PRELID2: variants seen among roughly 807,000 people sequenced by gnomAD.
PRELID2 encodes PRELI domain containing 2, also known as PRELI domain-containing protein 2.
A neutral mutation model predicts 28.4 loss-of-function variants in PRELID2; 25 were observed. The ratio of observed to expected loss-of-function variants is 0.88; its 90% CI spans 0.64 to 1.23. The LOEUF is 1.23. Among genes scored for constraint, PRELID2 ranks in the 50% most tolerant of loss-of-function variants. The pLI, the probability that PRELID2 is intolerant of heterozygous loss-of-function variation, is 0.00. For missense variants in PRELID2, 201 were observed against 214.4 expected (o/e 0.94, Z 0.39); for synonymous variants, 76 against 71.6 (o/e 1.06, Z -0.31).
chr5:145,787,923 G>A (rs571941581), intron 5 of PRELID2, among the ~76,000 whole-genome samples: 2 of 152,254 alleles, frequency 1.3e-5, no homozygotes, highest in South Asian at 2.1e-4. Flanking sequence ...AAATTTCATG[G>A]TGAAAAGAGC....
chr5:145,487,729 T>C (rs1363999922), intron 1 of PRELID2, among the ~76,000 whole-genome samples: 1 of 152,058 alleles, frequency 6.6e-6, no homozygotes, highest in Non-Finnish European at 1.5e-5. Context: ...TTTTTAGAGA[T>C]GGAGGAAGGA....
At chr5:145,729,943 T>C (rs1414217573) in intron 1 of PRELID2, among the ~76,000 whole-genome samples, 1 of 152,154 alleles carries the variant, frequency 6.6e-6, no homozygotes, top group African/African-American at 2.4e-5. Context: ...AATGTGGGGT[T>C]GAAAGGGAGC....
intron 1 of PRELID2, among the ~76,000 whole-genome samples, chr5:145,670,317 A>T (rs1314100542): frequency 6.6e-6 from 1 of 152,102 alleles, no homozygotes; most frequent in Non-Finnish European, 1.5e-5. Flanking sequence ...ACAGAGACAA[A>T]GAGTGAGAAC....
At position 145,575,216 on chromosome 5, in the gene PRELID2, C is replaced by T. The variant is rs575801696; in HGVS notation, n.71-101901G>A. ...GCCTCAAAAACCCATGTCTTGAACCCCTACACTTTATTTACTACCTGCTGA... is the reference window on the plus strand; with the variant it reads ...GCCTCAAAAACCCATGTCTTGAACCTCTACACTTTATTTACTACCTGCTGA... On this transcript the variant is annotated intron_variant and non_coding_transcript_variant, in intron 1 of 2. Coordinates refer to the PRELID2 transcript ENST00000510259. Among the ~76,000 whole-genome samples the T allele has an allele frequency of 5.3e-5, 8 of 152,204 alleles. No homozygotes were observed. In the South Asian group the frequency reaches 1.5e-3, roughly 28 times the overall value.
chr5:145,396,755 A>G, the PRELID2 span, among the ~76,000 whole-genome samples: 1 of 152,104 alleles, frequency 6.6e-6, no homozygotes, highest in Admixed American at 6.6e-5. Context: ...GAAAGAATAA[A>G]TGCTATGGAA....
chr5:145,428,494 C>T, the PRELID2 span, among the ~76,000 whole-genome samples: 2 of 151,948 alleles, frequency 1.3e-5, no homozygotes. Flanking sequence ...AACAAACAAA[C>T]AACAGGTAAA....
At chr5:145,756,031 A>G (rs1003450523), downstream of PRELID2, among the ~76,000 whole-genome samples, 7 of 152,008 alleles carry the variant, frequency 4.6e-5, no homozygotes, top group African/African-American at 1.7e-4. Flanking sequence ...TCTCTCCTTC[A>G]CCCTTTGGAA....
chr5:145,297,167 G>C, the PRELID2 span, among the ~76,000 whole-genome samples: 4 of 151,762 alleles, frequency 2.6e-5, no homozygotes, highest in Admixed American at 6.6e-5. Context: ...ATGGTAGTTT[G>C]TTTTGCTGTG....
At chr5:145,455,427 G>T in the PRELID2 span, among the ~76,000 whole-genome samples, 4 of 152,104 alleles carry the variant, frequency 2.6e-5, no homozygotes, top group Non-Finnish European at 4.4e-5. Flanking sequence ...GGCTATATGG[G>T]CTCTTTTTTG....
chr5:145,613,185 G>T (rs1753643604), intron 1 of PRELID2, among the ~76,000 whole-genome samples: 1 of 151,998 alleles, frequency 6.6e-6, no homozygotes, highest in African/African-American at 2.4e-5. Flanking sequence ...GCAGGAGTGA[G>T]GTAGTATCGC....
intron 1 of PRELID2, among the ~76,000 whole-genome samples, chr5:145,633,348 A>G (rs2149659707): frequency 6.6e-6 from 1 of 152,338 alleles, no homozygotes; most frequent in South Asian, 2.1e-4. Context: ...CTCACCAGCT[A>G]GAGACTGATT....
intron 1 of PRELID2, among the ~76,000 whole-genome samples, chr5:145,581,572 A>C (rs1393988687): frequency 6.6e-6 from 1 of 151,938 alleles, no homozygotes; most frequent in African/African-American, 2.4e-5. Flanking sequence ...CCTATTTCTG[A>C]GTTGATGCAT....
intron 1 of PRELID2, among the ~76,000 whole-genome samples, chr5:145,690,194 G>A (rs1264166060): frequency 6.6e-6 from 1 of 151,884 alleles, no homozygotes; most frequent in Admixed American, 6.6e-5. Context: ...ATTTCACCAT[G>A]GTGCCCCCGG....
At chr5:145,558,860 G>GA (rs1333483851) in intron 1 of PRELID2, among the ~76,000 whole-genome samples, 2 of 151,996 alleles carry the variant, frequency 1.3e-5, no homozygotes, top group South Asian at 2.1e-4. Context: ...CAAAATCTAT[G>GA]AAAAAAATGT....
At chr5:145,665,716 T>A (rs1431592454) in intron 1 of PRELID2, among the ~76,000 whole-genome samples, 1 of 152,102 alleles carries the variant, frequency 6.6e-6, no homozygotes, top group Non-Finnish European at 1.5e-5. Context: ...ATTTCTCATA[T>A]TCCCTGAAAT....
chr5:145,621,436 C>T (rs1205778348), intron 1 of PRELID2, among the ~76,000 whole-genome samples: 1 of 152,164 alleles, frequency 6.6e-6, no homozygotes, highest in African/African-American at 2.4e-5. Context: ...TACACAAAAA[C>T]TTGTACACAC....
chr5:145,381,459 C>G, the PRELID2 span: 1 of 152,042 alleles, frequency 6.6e-6, no homozygotes, highest in African/African-American at 2.4e-5. Context: ...TTTCACCAAC[C>G]TAAAACAAAC....
At chr5:145,377,686 C>A in the PRELID2 span, among the ~76,000 whole-genome samples, 4 of 151,798 alleles carry the variant, frequency 2.6e-5, no homozygotes, top group Non-Finnish European at 5.9e-5. Context: ...AGGATTGCAA[C>A]CCCGTTTTCT....
chr5:145,446,670 A>G, the PRELID2 span, among the ~76,000 whole-genome samples: 1 of 152,140 alleles, frequency 6.6e-6, no homozygotes, highest in Non-Finnish European at 1.5e-5. Context: ...ATTATCCCGT[A>G]TTATCATCTT....
Sources: allele counts gnomAD v4.1 joint callset (sites outside exome capture counted in the v4.1 genomes callset), GRCh38; gene constraint gnomAD v4.1.1; transcripts MANE v1.5; gene names NCBI Gene and HGNC (gene_info 2026-07-23, HGNC 2026-07-21).